Variants in SF1 observed in about 807,000 individuals in gnomAD.
The protein encoded by SF1 is branch point-binding protein.
Under a neutral mutation model 62.5 loss-of-function variants are expected in SF1, and 7 were observed. That is an observed-to-expected ratio of 0.11 (90% CI 0.06 to 0.21). SF1 has a LOEUF of 0.21. Ranked by LOEUF, SF1 falls within the 10% of genes least tolerant of loss-of-function variation. SF1 has a pLI of 1.00. For synonymous variants in SF1, 394 were observed against 323.6 expected (o/e 1.22, Z -2.33); for missense variants, 578 against 884.0 (o/e 0.65, Z 4.39).
chr11:64,778,198 G>T, intron 1 of SF1, 164 bp downstream of exon 1: 1 of 1,081,860 alleles, frequency 9.2e-7, no homozygotes, highest in Non-Finnish European at 1.2e-6. Context: ...GCAGCGCCGC[G>T]AAGGGGAAGG....
At chr11:64,776,699 G>A (rs1939306865) in intron 1 of SF1, 73 bp from the exon 2 acceptor site, 5 of 1,433,460 alleles carry the variant, frequency 3.5e-6, no homozygotes, top group Non-Finnish European at 4.8e-6. Flanking sequence ...GGTATTTAAG[G>A]TACTACACAG....
chr11:64,765,438 T>A lies in SF1; in HGVS notation c.*380A>T. On this transcript the variant is annotated 3_prime_UTR_variant, in exon 13 of 13. Coordinates refer to ENST00000377390, the MANE Select transcript of SF1 (RefSeq NM_004630.4). ...TGTCCACCAGGGGCGTTGCTGAGGCTGTCTGCCTGGAAGGGTCACCAATGG... is the reference window on the plus strand; with the variant it reads ...TGTCCACCAGGGGCGTTGCTGAGGCAGTCTGCCTGGAAGGGTCACCAATGG... 1 of 1,592,460 alleles carries A rather than the reference T, an allele frequency of 6.3e-7. No homozygotes were observed. The highest frequency in any genetic ancestry group is 8.6e-7 in the Non-Finnish European group (1 of 1,160,530).
At chr11:64,778,156 A>AGGCGGAGGGGGCGGCGGCGGAGGC in intron 1 of SF1, 1 of 761,426 alleles carries the variant, frequency 1.3e-6, no homozygotes, top group Middle Eastern at 5.5e-4. Flanking sequence ...GCTGCTGGGG[A>AGGCGGAGGGGGCGGCGGCGGAGGC]GGCGGAGGGG....
intron 3 of SF1, chr11:64,772,885 G>C: frequency 1.0e-6 from 1 of 986,282 alleles, no homozygotes; most frequent in Non-Finnish European, 1.2e-6. Context: ...ACACCCCCAA[G>C]GCAATGGCCA....
In SF1 at chr11:64,767,575, TGGA is replaced by T. The variant is rs768231025; in HGVS notation, c.1335_1337del (p.Pro446del). On this transcript the variant is annotated inframe_deletion, in exon 10 of 13. Coordinates refer to ENST00000377390, the MANE Select transcript of SF1 (RefSeq NM_004630.4). ...TCTGGTCTGACACTTACTTACCCAT[TGGA>T]GGAGGGCCATGGTGCCCAGGAGGGT... 2 of 1,553,444 alleles carry T rather than the reference TGGA, an allele frequency of 1.3e-6. No homozygotes were observed. The highest frequency in any genetic ancestry group is 4.5e-5 in the East Asian group (2 of 44,102).
intron 3 of SF1, chr11:64,772,835 T>G (rs1938547665): frequency 1.0e-6 from 1 of 985,174 alleles, no homozygotes; most frequent in African/African-American, 1.7e-5. Flanking sequence ...GTTGGTTGCA[T>G]GCCTTCCCAA....
rs1260153645 is a variant in SF1, at chr11:64,765,220, G to GA, written c.*597dup. 1 of 443,358 alleles carries GA rather than the reference G, an allele frequency of 2.3e-6. No individual in the cohort carries two copies. The highest frequency in any genetic ancestry group is 2.0e-5 in the African/African-American group (1 of 49,034). The allele number at this position is 443,358 out of a possible 1,614,324, so 27.5% of individuals were successfully genotyped here. A position where few individuals can be genotyped will look rare whatever the true frequency, so the allele number is the denominator to read the frequency against. ...CTCCTTGGTAAGGGAAGGAGAACTG[G>GA]AGAGAAGGGAAAGGAATCTAAATTG... is the stretch of plus-strand genomic sequence containing the variant. On this transcript the variant is annotated 3_prime_UTR_variant, in exon 13 of 13. Transcript: ENST00000377390.
At position 64,765,257 on chromosome 11, in the gene SF1, C is replaced by A; in HGVS notation, c.*561G>T. The A allele has an allele frequency of 3.9e-6, 2 of 516,956 alleles. No individual in the cohort carries two copies. The highest frequency in any genetic ancestry group is 5.6e-5 in the South Asian group (2 of 35,412). 32.0% of individuals were successfully genotyped at this position (516,956 alleles called of 1,614,324 possible). A position where few individuals can be genotyped will look rare whatever the true frequency, so the allele number is the denominator to read the frequency against. On this transcript the variant is annotated 3_prime_UTR_variant, in exon 13 of 13. Transcript: ENST00000377390. The stretch of plus-strand genomic sequence containing the variant: ...AGGAATCTAAATTGCAGCAGAAGAC[C>A]GGGGAGAGCATCTCCTTGGACGGAG...
At chr11:64,766,404 G>A (rs1013264822) in intron 12 of SF1, 3 of 572,632 alleles carry the variant, frequency 5.2e-6, no homozygotes, top group East Asian at 3.0e-5. Flanking sequence ...AAGGGCTGAG[G>A]GGAAGGTACC....
chr11:64,768,985 G>A (rs201942422), intron 8 of SF1, 37 bp downstream of exon 8: 36 of 1,405,326 alleles, frequency 2.6e-5, no homozygotes, highest in East Asian at 1.1e-4. Context: ...CCTGCACATC[G>A]CAGGCTACCA....
Position 64,778,397 on chromosome 11 carries a change from C to T in SF1, c.-5G>A, listed in dbSNP as rs1172462963. ...GGCGTTCGCTCCGGTCGCCATGGCGCCCCCGGGGACAGGCACCGGCACCTG... is the reference window on the plus strand; with the variant it reads ...GGCGTTCGCTCCGGTCGCCATGGCGTCCCCGGGGACAGGCACCGGCACCTG... On this transcript the variant is annotated 5_prime_UTR_variant, in exon 1 of 13. Coordinates refer to ENST00000377390, the MANE Select transcript of SF1 (RefSeq NM_004630.4). The T allele has an allele frequency of 2.4e-6, 3 of 1,227,212 alleles. No individual in the cohort carries two copies. The highest frequency in any genetic ancestry group is 2.0e-6 in the Non-Finnish European group (2 of 983,986). The allele number at this position is 1,227,212 out of a possible 1,614,324, so 76.0% of individuals were successfully genotyped here.
At chr11:64,776,113 C>G (rs1939194736) in intron 2 of SF1, 1 of 162,768 alleles carries the variant, frequency 6.1e-6, no homozygotes, top group Admixed American at 6.2e-5. Context: ...TGGTGAAAGG[C>G]CACGCTGTGA....
In SF1 at chr11:64,764,688, G is replaced by A. The variant is rs1460171732; in HGVS notation, c.*1130C>T. 1 of 152,636 alleles carries A rather than the reference G, an allele frequency of 6.6e-6. No individual in the cohort carries two copies. The highest frequency in any genetic ancestry group is 2.4e-5 in the African/African-American group (1 of 41,446). The allele number at this position is 152,636 out of a possible 1,614,324, so 9.5% of individuals were successfully genotyped here. ...TGAATCTAACACCGAAAAAAGCCCAGAGAAATTTCTGCAGATAAACCAGTG... is the reference window on the plus strand; with the variant it reads ...TGAATCTAACACCGAAAAAAGCCCAAAGAAATTTCTGCAGATAAACCAGTG... On this transcript the variant is annotated 3_prime_UTR_variant, in exon 13 of 13. Transcript: ENST00000377390.
chr11:64,767,303 G>A (rs1358184466), intron 10 of SF1, 52 bp from the exon 11 acceptor site: 2 of 1,560,252 alleles, frequency 1.3e-6, no homozygotes, highest in African/African-American at 1.4e-5. Context: ...ACTGGCCAGG[G>A]AAGCCACCCC....
chr11:64,773,138 C>T (rs1938589201), intron 3 of SF1: 1 of 1,218,802 alleles, frequency 8.2e-7, no homozygotes, highest in Non-Finnish European at 1.0e-6. Context: ...GGCCACCTCA[C>T]TGTCCCCTAA....
rs776990766 is a variant in SF1 at position 64,767,773 on chromosome 11, G to T, written c.1140C>A (p.His380Gln). The T allele has an allele frequency of 6.2e-7, 1 of 1,613,796 alleles. No homozygotes were observed. The highest frequency in any genetic ancestry group is 1.7e-5 in the Admixed American group (1 of 59,956). The change falls in exon 10 of 13, where the codon CAC becomes CAA. Residue 380 changes from histidine to glutamine, a missense_variant. Around this residue, in one of 7 missense-constraint regions of SF1, gnomAD observed 410 missense variants for 452.4 expected, o/e 0.91. Coordinates refer to ENST00000377390, the MANE Select transcript of SF1 (RefSeq NM_004630.4). The stretch of plus-strand genomic sequence containing the variant: ...CACCAGGACCACCTCCATGCATGCC[G>T]TGGTAGGGCCGACTCTCTGAAGGGC... Reference protein sequence around the residue: ...NSGPSESRPYHGMHGGGPGGP... With the variant: ...NSGPSESRPYQGMHGGGPGGP...
intron 2 of SF1, among the ~76,000 whole-genome samples, chr11:64,774,443 A>G (rs956128913): frequency 6.6e-6 from 1 of 152,214 alleles, no homozygotes; most frequent in Non-Finnish European, 1.5e-5. Context: ...TTTCTTCAAC[A>G]TGCGGAATAA....
At chr11:64,772,472 C>T (rs1222190129) in intron 3 of SF1, 4 of 984,902 alleles carry the variant, frequency 4.1e-6, no homozygotes, top group African/African-American at 3.5e-5. Flanking sequence ...TGGCAAAGGG[C>T]GGAAGAAAGA....
Position 64,765,626 on chromosome 11 carries a change from CT to C in SF1, c.*191del, listed in dbSNP as rs2058594565. 2 of 1,497,036 alleles carry C rather than the reference CT, an allele frequency of 1.3e-6. No homozygotes were observed. Among genetic ancestry groups the C allele is most frequent in the East Asian group, 4.7e-5 (2 of 42,930 alleles). The allele number at this position is 1,497,036 out of a possible 1,614,324, so 92.7% of individuals were successfully genotyped here. ...GCCAGGAGAGCCCAAGCTGGCGCCC[CT>C]ACTACCACCTGCCCGTTCCCAAGCG... On this transcript the variant is annotated 3_prime_UTR_variant, in exon 13 of 13. Transcript: ENST00000377390.
Sources: gnomAD v4.1 joint callset for allele counts (sites outside exome capture counted in the v4.1 genomes callset) on GRCh38, gnomAD v4.1.1 for gene constraint, gnomAD v4.1.1 regional missense constraint, MANE v1.5 for transcripts, NCBI Gene and HGNC (gene_info 2026-07-23, HGNC 2026-07-21) for gene names.